Variants in LRRTM4 observed in about 807,000 individuals in gnomAD.
LRRTM4 encodes the protein leucine rich repeat transmembrane neuronal 4.
In LRRTM4, 25 loss-of-function variants were observed where a neutral mutation model predicts 47.6. The observed-to-expected ratio is 0.53, with a 90% confidence interval of 0.38 to 0.73. The LOEUF (loss-of-function observed/expected upper bound fraction) is 0.73. LRRTM4 is among the 30% of genes least tolerant of loss of function. The pLI is 0.00. For missense variants in LRRTM4, 638 were observed against 713.4 expected (o/e 0.89, Z 1.20); for synonymous variants, 311 against 269.5 (o/e 1.15, Z -1.51).
chr2:77,013,442 T>A (rs1284047312), intron 3 of LRRTM4, among the ~76,000 whole-genome samples: 1 of 151,736 alleles, frequency 6.6e-6, no homozygotes, highest in African/African-American at 2.4e-5. Context: ...GTAATGAGCA[T>A]TGGATGGAAA....
chr2:77,470,203 T>C (rs1252886675), intron 3 of LRRTM4, among the ~76,000 whole-genome samples: 2 of 152,112 alleles, frequency 1.3e-5, no homozygotes, highest in Non-Finnish European at 2.9e-5. Flanking sequence ...CAGGATTACA[T>C]ATCATATGAC....
chr2:76,969,565 G>C (rs1191945684), intron 3 of LRRTM4, among the ~76,000 whole-genome samples: 1 of 151,778 alleles, frequency 6.6e-6, no homozygotes, highest in Non-Finnish European at 1.5e-5. Context: ...TGCAGTAACT[G>C]TTGCATCAAT....
At chr2:77,501,046 A>G (rs1678553623) in intron 3 of LRRTM4, among the ~76,000 whole-genome samples, 1 of 151,182 alleles carries the variant, frequency 6.6e-6, no homozygotes, top group African/African-American at 2.4e-5. Flanking sequence ...TTATTTCTAG[A>G]ATATGGTTCC....
chr2:76,906,489 C>T (rs1673844787), intron 3 of LRRTM4, among the ~76,000 whole-genome samples: 1 of 151,894 alleles, frequency 6.6e-6, no homozygotes, highest in Non-Finnish European at 1.5e-5. Flanking sequence ...CAAATTCACA[C>T]ATAAGAATAT....
intron 3 of LRRTM4, among the ~76,000 whole-genome samples, chr2:77,143,197 A>T (rs1384881097): frequency 6.6e-6 from 1 of 152,224 alleles, no homozygotes; most frequent in African/African-American, 2.4e-5. Flanking sequence ...TGAAGTTAGT[A>T]TGCAAAAGAT....
chr2:76,794,846 C>T (rs1675182183), intron 3 of LRRTM4, among the ~76,000 whole-genome samples: 1 of 151,354 alleles, frequency 6.6e-6, no homozygotes, highest in Non-Finnish European at 1.5e-5. Context: ...CTACTTATTG[C>T]CATAGGTCCC....
At chr2:77,378,437 G>GT (rs887646736) in intron 3 of LRRTM4, among the ~76,000 whole-genome samples, 1 of 151,934 alleles carries the variant, frequency 6.6e-6, no homozygotes, top group African/African-American at 2.4e-5. Flanking sequence ...TTTTCAAAAT[G>GT]TATCTCTATA....
chr2:77,262,174 G>A (rs1675934910), intron 3 of LRRTM4, among the ~76,000 whole-genome samples: 1 of 151,790 alleles, frequency 6.6e-6, no homozygotes, highest in South Asian at 2.1e-4. Flanking sequence ...ACAAGTTCAG[G>A]GCTCCTACTC....
chr2:77,370,323 G>C (rs138568910), intron 3 of LRRTM4, among the ~76,000 whole-genome samples: 1 of 151,866 alleles, frequency 6.6e-6, no homozygotes, highest in East Asian at 1.9e-4. Flanking sequence ...ATGAAGTCAT[G>C]AAAGGAGTAG....
chr2:76,996,946 T>C (rs1254144572), intron 3 of LRRTM4, among the ~76,000 whole-genome samples: 1 of 152,084 alleles, frequency 6.6e-6, no homozygotes, highest in Non-Finnish European at 1.5e-5. Flanking sequence ...AAACAGCACA[T>C]ATCAAGCCTG....
chr2:76,945,812 AG>A (rs1450500236), intron 3 of LRRTM4, among the ~76,000 whole-genome samples: 3 of 151,850 alleles, frequency 2.0e-5, no homozygotes, highest in African/African-American at 7.2e-5. Context: ...ATTACAGAAA[AG>A]TAGACTTTTG....
intron 3 of LRRTM4, among the ~76,000 whole-genome samples, chr2:76,950,924 G>A (rs562453333): frequency 6.6e-5 from 10 of 152,138 alleles, no homozygotes; most frequent in Admixed American, 5.2e-4. Flanking sequence ...AAACCAGACA[G>A]ATGCATTCAC....
chr2:77,032,117 A>G (rs1426900350), intron 3 of LRRTM4, among the ~76,000 whole-genome samples: 1 of 152,100 alleles, frequency 6.6e-6, no homozygotes, highest in African/African-American at 2.4e-5. Flanking sequence ...CAGCCTCTCT[A>G]CTTCTATCCT....
At chr2:77,372,310 A>G (rs1351355375) in intron 3 of LRRTM4, among the ~76,000 whole-genome samples, 1 of 151,782 alleles carries the variant, frequency 6.6e-6, no homozygotes, top group African/African-American at 2.4e-5. Flanking sequence ...TGTGCCATAG[A>G]AAATTGCTCA....
chr2:76,968,381 T>TACACAC (rs1359697199), intron 3 of LRRTM4, among the ~76,000 whole-genome samples: 7 of 116,222 alleles, frequency 6.0e-5, no homozygotes, highest in African/African-American at 2.0e-4. Flanking sequence ...TATATATATA[T>TACACAC]ATACACATAC....
At chr2:76,796,100 T>G (rs571322627) in intron 3 of LRRTM4, among the ~76,000 whole-genome samples, 1 of 137,240 alleles carries the variant, frequency 7.3e-6, no homozygotes, top group Non-Finnish European at 1.6e-5. Flanking sequence ...ATACTGCGCT[T>G]TTCAGACAGG....
chr2:77,340,012 G>C (rs1671310557), intron 3 of LRRTM4, among the ~76,000 whole-genome samples: 1 of 151,864 alleles, frequency 6.6e-6, no homozygotes. Context: ...GAAACCGAAG[G>C]AATGCTAGGA....
chr2:77,491,196 T>A (rs1378662748), intron 3 of LRRTM4, among the ~76,000 whole-genome samples: 1 of 151,882 alleles, frequency 6.6e-6, no homozygotes, highest in African/African-American at 2.4e-5. Flanking sequence ...TGTTGAAAAG[T>A]AAAGTGACAC....
intron 3 of LRRTM4, among the ~76,000 whole-genome samples, chr2:76,770,032 T>C (rs1673626385): frequency 6.6e-6 from 1 of 152,168 alleles, no homozygotes. Flanking sequence ...CTGACATTAT[T>C]CTGATGCATA....
Sources: allele counts gnomAD v4.1 joint callset (sites outside exome capture counted in the v4.1 genomes callset), GRCh38; gene constraint gnomAD v4.1.1; transcripts MANE v1.5; gene names NCBI Gene and HGNC (gene_info 2026-07-23, HGNC 2026-07-21).